The following PTPRA variants were observed in gnomAD, a reference collection of about 807,000 sequenced individuals.
The protein encoded by PTPRA is protein tyrosine phosphatase receptor type A.
PTPRA carries 25 observed loss-of-function variants against 104.8 expected under a neutral mutation model. That is an observed-to-expected ratio of 0.24 (90% CI 0.17 to 0.33). The LOEUF (loss-of-function observed/expected upper bound fraction) is 0.33. Ranked by LOEUF, PTPRA falls within the 10% of genes least tolerant of loss-of-function variation. PTPRA has a pLI of 1.00. For synonymous variants in PTPRA, 323 were observed against 368.9 expected, an observed-to-expected ratio of 0.88 and a Z score of 1.43; for missense variants, 765 against 1,015.3, an observed-to-expected ratio of 0.75 and a Z score of 3.35.
chr20:3,016,423 T>A (rs2064452717), intron 12 of PTPRA, among the ~76,000 whole-genome samples: 1 of 152,236 alleles, frequency 6.6e-6, no homozygotes, highest in African/African-American at 2.4e-5. Flanking sequence ...CTTTGAACCC[T>A]AGCAAAAATA....
chr20:2,993,962 A>G (rs1231393810), intron 9 of PTPRA, among the ~76,000 whole-genome samples: 1 of 152,174 alleles, frequency 6.6e-6, no homozygotes, highest in East Asian at 1.9e-4. Flanking sequence ...GGTAAGATAG[A>G]TTAGATAGAT....
intron 1 of PTPRA, among the ~76,000 whole-genome samples, chr20:2,922,899 T>C (rs938607886): frequency 6.6e-6 from 1 of 152,026 alleles, no homozygotes; most frequent in African/African-American, 2.4e-5. Context: ...CCTCCCAAAG[T>C]GCTGGGATTA....
intron 6 of PTPRA, among the ~76,000 whole-genome samples, chr20:2,981,122 C>G (rs1008692942): frequency 6.6e-6 from 1 of 151,758 alleles, no homozygotes; most frequent in South Asian, 2.1e-4. Flanking sequence ...TAGACCTGCT[C>G]TGGTGTCAAT....
At position 2,988,404 on chromosome 20, in the gene PTPRA, T is replaced by A; in HGVS notation, c.668T>A (p.Val223Glu). 6.2e-7 allele frequency: 1 copy of A among 1,612,704 alleles called. No individual in the cohort carries two copies. The highest frequency in any genetic ancestry group is 8.5e-7 in the Non-Finnish European group (1 of 1,179,730). The change falls in exon 9 of 24, where the codon GTG becomes GAG. Residue 223 changes from valine (V) to glutamate (E), a missense_variant. By Grantham distance (121) the Val-to-Glu change is moderately radical. Coordinates refer to ENST00000399903, the MANE Select transcript of PTPRA (RefSeq NM_001385305.1). ...AACAGGAAATACCCACCCCTGCCCGTGGACAAGCTGGAAGAGGAAATTAAC... is the reference window on the plus strand; with the variant it reads ...AACAGGAAATACCCACCCCTGCCCGAGGACAAGCTGGAAGAGGAAATTAAC... The part of the protein sequence containing the change: ...STNRKYPPLP[V>E]DKLEEEINRR...
At chr20:2,878,141 C>T (rs1469263077) in intron 1 of PTPRA, among the ~76,000 whole-genome samples, 2 of 151,578 alleles carry the variant, frequency 1.3e-5, no homozygotes, top group African/African-American at 4.9e-5. Flanking sequence ...CAGAGCGAGA[C>T]TCCGTCTCAA....
intron 13 of PTPRA, among the ~76,000 whole-genome samples, chr20:3,019,880 C>T (rs1296120765): frequency 1.3e-4 from 19 of 151,148 alleles, no homozygotes; most frequent in African/African-American, 2.4e-4. Context: ...GAGACCAGCC[C>T]GGCCAACACA....
chr20:2,884,794 GT>G (rs954851827), intron 1 of PTPRA, among the ~76,000 whole-genome samples: 2 of 120,568 alleles, frequency 1.7e-5, no homozygotes, highest in African/African-American at 7.1e-5. Flanking sequence ...TAACTCTCTG[GT>G]TTTTTTTGTT....
At chr20:2,932,077 G>A (rs1370514505) in intron 2 of PTPRA, among the ~76,000 whole-genome samples, 1 of 152,182 alleles carries the variant, frequency 6.6e-6, no homozygotes, top group African/African-American at 2.4e-5. Flanking sequence ...TTTGATGTGT[G>A]AATGGTAGAA....
intron 1 of PTPRA, among the ~76,000 whole-genome samples, chr20:2,910,578 G>GTTTTTTTTTTTTTTTTTTTT (rs1245304127): frequency 2.2e-4 from 7 of 32,430 alleles, no homozygotes; most frequent in African/African-American, 5.1e-4. Flanking sequence ...TGCCCAGCTA[G>GTTTTTTTTTTTTTTTTTTTT]TTTTTTTTTT....
At chr20:2,953,883 G>C (rs2061439712) in intron 3 of PTPRA, among the ~76,000 whole-genome samples, 2 of 151,072 alleles carry the variant, frequency 1.3e-5, no homozygotes, top group Non-Finnish European at 3.0e-5. Context: ...GAGCCACCAT[G>C]CACAGCCAGG....
At chr20:2,978,480 A>G (rs1483163752) in intron 6 of PTPRA, among the ~76,000 whole-genome samples, 1 of 152,190 alleles carries the variant, frequency 6.6e-6, no homozygotes, top group African/African-American at 2.4e-5. Flanking sequence ...GACTATGGCT[A>G]TTCCTTTACT....
rs1434996081 is a variant in PTPRA at position 3,037,562 on chromosome 20, G to A, written c.2334+273G>A. ...ATCTGTACTTCTCTGTGGGTCTTGGGTAAGGAAGATCCATGAAGAGTACCT... is the reference window on the plus strand; with the variant it reads ...ATCTGTACTTCTCTGTGGGTCTTGGATAAGGAAGATCCATGAAGAGTACCT... On this transcript the variant is annotated intron_variant, in intron 23 of 23. Coordinates refer to ENST00000399903, the MANE Select transcript of PTPRA (RefSeq NM_001385305.1). This position sits in a 1 kb window ranked among gnomAD's most constrained non-coding sequence, Gnocchi z 4.3. 6.6e-6 allele frequency among the ~76,000 whole-genome samples: 1 copy of A among 152,242 alleles called. No individual in the cohort carries two copies. Among genetic ancestry groups the A allele is most frequent in the Non-Finnish European group, 1.5e-5 (1 of 68,036 alleles).
chr20:2,990,370 G>A (rs1028395608), intron 9 of PTPRA, among the ~76,000 whole-genome samples: 1 of 152,190 alleles, frequency 6.6e-6, no homozygotes, highest in Middle Eastern at 3.4e-3. Flanking sequence ...TAAACCGGTC[G>A]TGAGCAAGGG....
At chr20:2,963,739 T>G (rs1335781078) in intron 3 of PTPRA, among the ~76,000 whole-genome samples, 17 of 152,134 alleles carry the variant, frequency 1.1e-4, no homozygotes, top group African/African-American at 4.1e-4. Flanking sequence ...CATTTTGGAT[T>G]TCAAAATTTG....
chr20:2,991,108 C>G (rs1474612638), intron 9 of PTPRA, among the ~76,000 whole-genome samples: 1 of 152,156 alleles, frequency 6.6e-6, no homozygotes, highest in Non-Finnish European at 1.5e-5. Context: ...AATCCCAGCA[C>G]TTTGGGAGGC....
chr20:2,886,863 A>C (rs2090419004), intron 1 of PTPRA, among the ~76,000 whole-genome samples: 1 of 146,422 alleles, frequency 6.8e-6, no homozygotes, highest in African/African-American at 2.5e-5. Context: ...TCTCAAAAAA[A>C]AAAAAGGAAA....
the PTPRA span, chr20:2,866,296 A>G: frequency 1.9e-6 from 3 of 1,613,982 alleles, no homozygotes; most frequent in Admixed American, 5.0e-5. Context: ...GCAGAAGGTC[A>G]AGGCTTTGCT....
In PTPRA at chr20:3,038,476, A is replaced by C; in HGVS notation, c.*343A>C. 3.8e-6 allele frequency: 1 copy of C among 265,348 alleles called. No homozygotes were observed. The highest frequency in any genetic ancestry group is 7.3e-6 in the Non-Finnish European group (1 of 136,682). The allele number at this position is 265,348 out of a possible 1,614,324, so 16.4% of individuals were successfully genotyped here. A position where few individuals can be genotyped will look rare whatever the true frequency, so the allele number is the denominator to read the frequency against. ...GGTAGCTCGGCACCAACTAAGAAAA[A>C]AAGCACAAAGTTCTCAGAGCTCTCG... On this transcript the variant is annotated 3_prime_UTR_variant, in exon 24 of 24. Coordinates refer to ENST00000399903, the MANE Select transcript of PTPRA (RefSeq NM_001385305.1).
chr20:3,006,325 T>C (rs1287395772), intron 10 of PTPRA, among the ~76,000 whole-genome samples: 1 of 152,110 alleles, frequency 6.6e-6, no homozygotes, highest in Admixed American at 6.6e-5. Flanking sequence ...TAACTAGAAC[T>C]ACAGGTGCAT....
Sources: allele counts gnomAD v4.1 joint callset (sites outside exome capture counted in the v4.1 genomes callset), GRCh38; gene constraint gnomAD v4.1.1; non-coding constraint Gnocchi (gnomAD v3.1); transcripts MANE v1.5; gene names NCBI Gene and HGNC (gene_info 2026-07-23, HGNC 2026-07-21).